The following ELF1 variants were observed in gnomAD, a reference collection of about 807,000 sequenced individuals.
ELF1 encodes the protein E74 like ETS transcription factor 1.
ELF1 carries 24 observed loss-of-function variants against 59.9 expected under a neutral mutation model. The ratio of observed to expected loss-of-function variants is 0.40; its 90% confidence interval spans 0.29 to 0.56. The LOEUF is 0.56. Among genes scored for constraint, ELF1 ranks in the 20% least tolerant of loss-of-function variants. The pLI, the probability that ELF1 is intolerant of heterozygous loss-of-function variation, is 0.44. For missense variants in ELF1, 627 were observed against 742.2 expected (o/e 0.84, Z 1.80); for synonymous variants, 248 against 266.2 (o/e 0.93, Z 0.67).
chr13:40,977,350 C>G (rs978420281), intron 2 of ELF1, among the ~76,000 whole-genome samples: 3 of 152,080 alleles, frequency 2.0e-5, no homozygotes, highest in African/African-American at 7.2e-5. Context: ...TTCTCAGCTA[C>G]AAATATTCCC....
intron 1 of ELF1, among the ~76,000 whole-genome samples, chr13:40,985,411 G>A (rs988022895): frequency 1.6e-4 from 25 of 152,204 alleles, no homozygotes; most frequent in Middle Eastern, 3.4e-3. Context: ...AGTTCTCACG[G>A]TCTACAAGCA....
At chr13:41,029,012 G>A (rs1451718438) in intron 1 of ELF1, among the ~76,000 whole-genome samples, 1 of 152,114 alleles carries the variant, frequency 6.6e-6, no homozygotes, top group Non-Finnish European at 1.5e-5. Context: ...CAAAGTGCTG[G>A]GATTACAGGT....
At chr13:40,936,891 A>G (rs1869820805) in intron 8 of ELF1, among the ~76,000 whole-genome samples, 2 of 151,748 alleles carry the variant, frequency 1.3e-5, no homozygotes, top group Middle Eastern at 3.5e-3. Flanking sequence ...AGGTGAAGGG[A>G]GCAGTGTGAG....
At chr13:40,982,416 G>T in intron 1 of ELF1, 134 bp from the exon 2 acceptor site, 1 of 419,248 alleles carries the variant, frequency 2.4e-6, no homozygotes, top group Non-Finnish European at 3.3e-6. Context: ...CACGACTAAT[G>T]CACATACGCT....
chr13:40,961,682 C>T (rs1010127484), intron 2 of ELF1, among the ~76,000 whole-genome samples: 1 of 152,208 alleles, frequency 6.6e-6, no homozygotes, highest in Non-Finnish European at 1.5e-5. Context: ...TGTAGACATG[C>T]AATCCCACCT....
chr13:40,949,114 T>C (rs1870683976), intron 5 of ELF1, among the ~76,000 whole-genome samples: 1 of 152,070 alleles, frequency 6.6e-6, no homozygotes, highest in Non-Finnish European at 1.5e-5. Context: ...GCTTCCCAAG[T>C]AGCTGGGATT....
intron 1 of ELF1, among the ~76,000 whole-genome samples, chr13:41,016,394 G>T (rs1485342496): frequency 6.6e-6 from 1 of 152,116 alleles, no homozygotes; most frequent in Non-Finnish European, 1.5e-5. Flanking sequence ...ACAGACAAAA[G>T]ATTTTGTATA....
chr13:40,960,722 G>C (rs1323113039), intron 2 of ELF1, among the ~76,000 whole-genome samples: 1 of 152,148 alleles, frequency 6.6e-6, no homozygotes, highest in African/African-American at 2.4e-5. Flanking sequence ...ACAAGTGCAT[G>C]CCTCCATGCC....
intron 5 of ELF1, among the ~76,000 whole-genome samples, chr13:40,947,918 G>A (rs554253084): frequency 7.2e-5 from 11 of 152,224 alleles, no homozygotes; most frequent in East Asian, 1.9e-4. Flanking sequence ...AAACATGGTC[G>A]AAGAATAAGG....
At chr13:40,997,722 G>A (rs527928455) in intron 1 of ELF1, among the ~76,000 whole-genome samples, 2 of 152,162 alleles carry the variant, frequency 1.3e-5, no homozygotes, top group East Asian at 1.9e-4. Context: ...TACATAAAAC[G>A]ATTCTAAGTC....
At chr13:40,973,950 T>G (rs539679235) in intron 2 of ELF1, among the ~76,000 whole-genome samples, 1 of 152,254 alleles carries the variant, frequency 6.6e-6, no homozygotes, top group East Asian at 1.9e-4. Flanking sequence ...TTACTATAAC[T>G]GAATTGTCCA....
intron 3 of ELF1, among the ~76,000 whole-genome samples, chr13:40,954,909 A>C: frequency 9.2e-6 from 1 of 109,128 alleles, no homozygotes; most frequent in African/African-American, 3.6e-5. Flanking sequence ...CTGGCGGCCC[A>C]TCGTCTGGGA....
At chr13:41,005,370 T>C (rs1874682147) in intron 1 of ELF1, among the ~76,000 whole-genome samples, 1 of 147,882 alleles carries the variant, frequency 6.8e-6, no homozygotes, top group Non-Finnish European at 1.5e-5. Context: ...GCCCTCAAAC[T>C]ATTTTACCCA....
chr13:40,993,005 G>T, intron 1 of ELF1: 1 of 1,366,764 alleles, frequency 7.3e-7, no homozygotes, highest in Non-Finnish European at 1.0e-6. Flanking sequence ...AGAAAAGTAG[G>T]TTCTCTTTGT....
intron 6 of ELF1, among the ~76,000 whole-genome samples, 172 bp downstream of exon 6, chr13:40,943,670 T>TG (rs1870324632): frequency 6.6e-6 from 1 of 152,210 alleles, no homozygotes; most frequent in Non-Finnish European, 1.5e-5. Context: ...ACGAGTTTCT[T>TG]GGTCTACTTT....
At chr13:40,995,062 A>G (rs1437564379) in intron 1 of ELF1, among the ~76,000 whole-genome samples, 3 of 152,146 alleles carry the variant, frequency 2.0e-5, no homozygotes, top group African/African-American at 7.2e-5. Context: ...TCTGGTAGAA[A>G]CTGTATTCTG....
At chr13:40,972,184 A>G (rs1436093023) in intron 2 of ELF1, among the ~76,000 whole-genome samples, 2 of 152,210 alleles carry the variant, frequency 1.3e-5, no homozygotes, top group African/African-American at 4.8e-5. Flanking sequence ...AAATGAGGTA[A>G]GGCATCCTTG....
At chr13:41,019,924 T>C (rs4942016), upstream of ELF1, among the ~76,000 whole-genome samples, 128,301 of 152,216 alleles carry the variant, frequency 0.84, 55,017 homozygotes, top group Non-Finnish European at 0.91. Flanking sequence ...AAACCCACAC[T>C]CCAATGTTAG....
Position 40,933,263 on chromosome 13 carries a change from AGTTGAGTT to A in ELF1, c.*154_*161del. The A allele has an allele frequency of 2.4e-6, 2 of 842,094 alleles. No individual in the cohort carries two copies. Among genetic ancestry groups the A allele is most frequent in the Non-Finnish European group, 3.5e-6 (2 of 569,710 alleles). The allele number at this position is 842,094 out of a possible 1,614,324, so 52.2% of individuals were successfully genotyped here. On this transcript the variant is annotated 3_prime_UTR_variant, in exon 9 of 9. Transcript: ENST00000239882. Reference sequence around the variant, plus strand: ...AAACATTTAGATAACAAAGAGAAACAGTTGAGTTTTCCTCCCTCATCTAACAAAGTCAA... The same window carrying A: ...AAACATTTAGATAACAAAGAGAAACATTCCTCCCTCATCTAACAAAGTCAA...
Sources: allele counts gnomAD v4.1 joint callset (sites outside exome capture counted in the v4.1 genomes callset), GRCh38; gene constraint gnomAD v4.1.1; transcripts MANE v1.5; gene names NCBI Gene and HGNC (gene_info 2026-07-23, HGNC 2026-07-21).